Variants in CTXN2 observed in about 807,000 individuals in gnomAD.
The protein encoded by CTXN2 is cortexin 2.
In CTXN2, 3 loss-of-function variants were observed where a neutral mutation model predicts 5.7. That is an observed-to-expected ratio of 0.53 (90% confidence interval 0.24 to 1.36). The LOEUF is 1.36. CTXN2 is among the 40% of genes most tolerant of loss of function. The probability of loss-of-function intolerance (pLI) is 0.17; values close to 1 mark genes in which losing one functional copy is unlikely to be tolerated. For synonymous variants in CTXN2, 38 were observed against 36.4 expected, an observed-to-expected ratio of 1.04 and a Z score of -0.16; for missense variants, 87 against 93.0, an observed-to-expected ratio of 0.94 and a Z score of 0.26.
chr15:48,182,680 C>T (rs1767931946), intron 1 of CTXN2, among the ~76,000 whole-genome samples: 2 of 152,104 alleles, frequency 1.3e-5, no homozygotes, highest in Admixed American at 1.3e-4. Context: ...CCATGATTTT[C>T]ATTTCTAGCT....
chr15:48,194,944 C>A (rs1438920171), intron 1 of CTXN2, among the ~76,000 whole-genome samples: 1 of 152,092 alleles, frequency 6.6e-6, no homozygotes, highest in African/African-American at 2.4e-5. Context: ...CTCTCTCCAT[C>A]CTGTATAAAG....
At chr15:48,199,233 G>A (rs2040906944) in intron 1 of CTXN2, among the ~76,000 whole-genome samples, 2 of 152,116 alleles carry the variant, frequency 1.3e-5, no homozygotes, top group African/African-American at 2.4e-5. Context: ...CCCTGGGAAG[G>A]GCCACGACTT....
At chr15:48,198,628 C>T (rs940574146) in intron 1 of CTXN2, among the ~76,000 whole-genome samples, 6 of 152,082 alleles carry the variant, frequency 3.9e-5, no homozygotes, top group Non-Finnish European at 7.4e-5. Flanking sequence ...CTAATAGTAA[C>T]AAATGACAAG....
In CTXN2 at chr15:48,191,866, T is replaced by A. The variant is rs1199483872; in HGVS notation, c.-58+13T>A. 2 of 455,272 alleles carry A rather than the reference T, an allele frequency of 4.4e-6. No individual in the cohort carries two copies. Among genetic ancestry groups the A allele is most frequent in the African/African-American group, 4.0e-5 (2 of 49,958 alleles). 28.2% of individuals were successfully genotyped at this position (455,272 alleles called of 1,614,324 possible). On this transcript the variant is annotated intron_variant, in intron 1 of 1. Transcript: ENST00000417307. Reference sequence around the variant, plus strand: ...ACAAGCATGGAAGGTGAGACATCGCTGTCTGCGAAGTAACTTTCTCCCCCT... The same window carrying A: ...ACAAGCATGGAAGGTGAGACATCGCAGTCTGCGAAGTAACTTTCTCCCCCT...
At chr15:48,187,600 A>T (rs144495887), upstream of CTXN2, among the ~76,000 whole-genome samples, 6 of 152,236 alleles carry the variant, frequency 3.9e-5, no homozygotes, top group African/African-American at 1.4e-4. Context: ...GAGAGCAAGA[A>T]GTCAACTAGA....
At chr15:48,182,000 T>C (rs2035485236) in intron 1 of CTXN2, among the ~76,000 whole-genome samples, 1 of 152,202 alleles carries the variant, frequency 6.6e-6, no homozygotes, top group South Asian at 2.1e-4. Flanking sequence ...AGAAAGTTCA[T>C]TCTGTGATGA....
intron 1 of CTXN2, among the ~76,000 whole-genome samples, chr15:48,182,610 G>A (rs2040709080): frequency 1.3e-5 from 2 of 152,132 alleles, no homozygotes; most frequent in South Asian, 4.1e-4. Context: ...GTTTAAACAT[G>A]CAGAATATAT....
At chr15:48,193,441 C>G (rs1038415333) in intron 1 of CTXN2, among the ~76,000 whole-genome samples, 1 of 152,056 alleles carries the variant, frequency 6.6e-6, no homozygotes. Flanking sequence ...CCCAATTTTA[C>G]ATTCTACTTA....
chr15:48,195,465 G>C (rs998561217), intron 1 of CTXN2, among the ~76,000 whole-genome samples: 2 of 152,098 alleles, frequency 1.3e-5, no homozygotes, highest in East Asian at 1.9e-4. Flanking sequence ...TAGCCTGACA[G>C]TCAACATATT....
rs2040927289 is a variant in CTXN2 at position 48,201,344 on chromosome 15, T to C, written c.44T>C (p.Val15Ala). The C allele has an allele frequency of 1.9e-6, 3 of 1,551,268 alleles. No homozygotes were observed. The highest frequency in any genetic ancestry group is 3.3e-4 in the Middle Eastern group (2 of 5,988). The change falls in exon 2 of 2, where the codon GTC becomes GCC. Residue 15 changes from valine (V) to alanine (A), a missense_variant. Physicochemically the swap from Val to Ala is moderately conservative, Grantham distance 64 (BLOSUM62 0). Coordinates refer to ENST00000417307, the MANE Select transcript of CTXN2 (RefSeq NM_001145668.2). ...YCGNSSAKMS[V>A]NEVSAFSLTL... The stretch of plus-strand genomic sequence containing the variant: ...GGCAACTCTTCAGCTAAGATGAGTG[T>C]CAACGAAGTATCAGCTTTCTCATTG...
chr15:48,197,257 G>A (rs900522612), intron 1 of CTXN2, among the ~76,000 whole-genome samples: 7 of 151,862 alleles, frequency 4.6e-5, no homozygotes, highest in African/African-American at 1.7e-4. Context: ...ATATTTTCAT[G>A]GTTCCCTTCT....
At chr15:48,181,665 T>C (rs1183531799) in intron 1 of CTXN2, among the ~76,000 whole-genome samples, 1 of 152,178 alleles carries the variant, frequency 6.6e-6, no homozygotes, top group African/African-American at 2.4e-5. Flanking sequence ...ATGGTGACAA[T>C]AGCTTCTAAA....
At chr15:48,199,948 T>C (rs2040914743) in intron 1 of CTXN2, among the ~76,000 whole-genome samples, 3 of 152,180 alleles carry the variant, frequency 2.0e-5, no homozygotes, top group Non-Finnish European at 2.9e-5. Flanking sequence ...GGTTTGAGGA[T>C]AGAGCTTTTT....
chr15:48,190,990 T>C (rs554640591), upstream of CTXN2: 2 of 152,444 alleles, frequency 1.3e-5, no homozygotes, highest in African/African-American at 2.4e-5. Flanking sequence ...TGTTGTCTTC[T>C]AGCTTGTGTT....
upstream of CTXN2, chr15:48,189,038 A>C (rs992771318): frequency 6.6e-6 from 1 of 152,156 alleles, no homozygotes; most frequent in African/African-American, 2.4e-5. Flanking sequence ...AGTGGAACCT[A>C]ATGGATTTTT....
At chr15:48,182,266 G>C (rs1372055607) in intron 1 of CTXN2, among the ~76,000 whole-genome samples, 2 of 152,028 alleles carry the variant, frequency 1.3e-5, no homozygotes, top group Non-Finnish European at 2.9e-5. Context: ...GTGAAGTTTA[G>C]AATTAAGACA....
Position 48,191,872 on chromosome 15 carries a change from C to A in CTXN2, c.-58+19C>A. On this transcript the variant is annotated intron_variant, in intron 1 of 1. Coordinates refer to ENST00000417307, the MANE Select transcript of CTXN2 (RefSeq NM_001145668.2). ...ATGGAAGGTGAGACATCGCTGTCTG[C>A]GAAGTAACTTTCTCCCCCTTCCCTC... is the stretch of plus-strand genomic sequence containing the variant. 2.2e-6 allele frequency: 1 copy of A among 454,556 alleles called. No homozygotes were observed. Among genetic ancestry groups the A allele is most frequent in the Non-Finnish European group, 4.4e-6 (1 of 226,040 alleles). 28.2% of individuals were successfully genotyped at this position (454,556 alleles called of 1,614,324 possible). A position where few individuals can be genotyped will look rare whatever the true frequency, so the allele number is the denominator to read the frequency against.
upstream of CTXN2, among the ~76,000 whole-genome samples, chr15:48,188,598 A>G (rs771801028): frequency 6.6e-6 from 1 of 152,200 alleles, no homozygotes; most frequent in Non-Finnish European, 1.5e-5. Flanking sequence ...ATTACTGTAT[A>G]TAAGCTGAGA....
In CTXN2 at chr15:48,203,586, C is replaced by A. The variant is rs2040944278; in HGVS notation, c.*2040C>A. 6.0e-6 allele frequency: 1 copy of A among 166,874 alleles called. No homozygotes were observed. The highest frequency in any genetic ancestry group is 1.5e-5 in the Non-Finnish European group (1 of 68,054). The allele number at this position is 166,874 out of a possible 1,614,324, so 10.3% of individuals were successfully genotyped here. On this transcript the variant is annotated 3_prime_UTR_variant, in exon 2 of 2. Transcript: ENST00000417307. ...AGACCCTCCATTTTGATGACTAGAA[C>A]AAACCAAGGCCAGATCTTTATTTCA...
Sources: gnomAD v4.1 joint callset for allele counts (sites outside exome capture counted in the v4.1 genomes callset) on GRCh38, gnomAD v4.1.1 for gene constraint, MANE v1.5 for transcripts, NCBI Gene and HGNC (gene_info 2026-07-23, HGNC 2026-07-21) for gene names.